The following PCDH15 variants were observed in gnomAD, a reference collection of about 807,000 sequenced individuals.
PCDH15 encodes the protein protocadherin-15.
Under a neutral mutation model 178.5 loss-of-function variants are expected in PCDH15, and 129 were observed. The ratio of observed to expected loss-of-function variants is 0.72; its 90% confidence interval spans 0.63 to 0.84. The LOEUF is 0.84. Among genes scored for constraint, PCDH15 ranks in the 40% least tolerant of loss-of-function variants. PCDH15 has a pLI of 0.00. For missense variants in PCDH15, 2,230 were observed against 2,099.9 expected, an observed-to-expected ratio of 1.06 and a Z score of -1.21; for synonymous variants, 800 against 732.0, an observed-to-expected ratio of 1.09 and a Z score of -1.50.
At chr10:54,764,393 T>C (rs1385200898) in intron 1 of PCDH15, among the ~76,000 whole-genome samples, 2 of 152,108 alleles carry the variant, frequency 1.3e-5, no homozygotes, top group Non-Finnish European at 2.9e-5. Context: ...ACCACTGTTA[T>C]GCAAAGGTGT....
At chr10:54,561,980 CTTTTTTTTTT>C (rs575547228) in intron 2 of PCDH15, among the ~76,000 whole-genome samples, 8 of 75,250 alleles carry the variant, frequency 1.1e-4, no homozygotes, top group Non-Finnish European at 1.4e-4. Context: ...CCGCACCCAG[CTTTTTTTTTT>C]TTTTTTTTTT....
At chr10:55,118,956 G>C (rs1591916866) in intron 2 of PCDH15, among the ~76,000 whole-genome samples, 1 of 152,250 alleles carries the variant, frequency 6.6e-6, no homozygotes, top group South Asian at 2.1e-4. Context: ...CCACCACATA[G>C]TGAATCCCTT....
intron 2 of PCDH15, among the ~76,000 whole-genome samples, chr10:55,578,092 T>A (rs1842530174): frequency 6.6e-6 from 1 of 152,090 alleles, no homozygotes; most frequent in Non-Finnish European, 1.5e-5. Flanking sequence ...CCCATGGCTT[T>A]AAAAAAATTA....
chr10:54,728,184 A>G (rs956420923), intron 1 of PCDH15, among the ~76,000 whole-genome samples: 3 of 151,540 alleles, frequency 2.0e-5, no homozygotes, highest in Non-Finnish European at 3.0e-5. Flanking sequence ...AATCCTCAAC[A>G]AAATACTAGC....
intron 3 of PCDH15, among the ~76,000 whole-genome samples, chr10:54,414,198 A>G (rs998177430): frequency 6.6e-6 from 1 of 152,174 alleles, no homozygotes; most frequent in Admixed American, 6.5e-5. Flanking sequence ...CATGTCCTAG[A>G]AGGCCAAAAA....
intron 25 of PCDH15, among the ~76,000 whole-genome samples, chr10:53,923,616 C>T (rs1367683845): frequency 1.3e-5 from 2 of 152,110 alleles, no homozygotes; most frequent in Non-Finnish European, 2.9e-5. Flanking sequence ...ACTTAATTCC[C>T]ATGTTTTCTT....
intron 21 of PCDH15, among the ~76,000 whole-genome samples, chr10:53,971,092 A>G (rs1434427958): frequency 1.3e-5 from 2 of 152,194 alleles, no homozygotes; most frequent in African/African-American, 4.8e-5. Flanking sequence ...ATCCACCACA[A>G]TCAAGTGGGC....
At chr10:54,807,943 T>A (rs1017859313) in intron 3 of PCDH15, among the ~76,000 whole-genome samples, 1 of 151,628 alleles carries the variant, frequency 6.6e-6, no homozygotes, top group East Asian at 1.9e-4. Context: ...TTTGCTGAAA[T>A]GGCCTCAGTT....
intron 23 of PCDH15, among the ~76,000 whole-genome samples, chr10:53,951,201 C>T (rs892105764): frequency 2.6e-5 from 4 of 152,120 alleles, no homozygotes; most frequent in Non-Finnish European, 5.9e-5. Context: ...CAAAGATATG[C>T]AATTGTAAAT....
chr10:55,278,388 A>C (rs570432977), intron 1 of PCDH15, among the ~76,000 whole-genome samples: 3 of 152,138 alleles, frequency 2.0e-5, no homozygotes, highest in East Asian at 3.9e-4. Flanking sequence ...ATATCTGTTT[A>C]TATTTTCTTT....
chr10:55,476,388 C>A (rs1311525340), intron 2 of PCDH15, among the ~76,000 whole-genome samples: 1 of 151,974 alleles, frequency 6.6e-6, no homozygotes, highest in Non-Finnish European at 1.5e-5. Context: ...TCTCTCATTC[C>A]ATCATCATGC....
intron 3 of PCDH15, among the ~76,000 whole-genome samples, chr10:54,503,942 C>T (rs950963923): frequency 6.6e-6 from 1 of 152,050 alleles, no homozygotes; most frequent in Non-Finnish European, 1.5e-5. Flanking sequence ...TGCACAGTGT[C>T]CGGAATTTTC....
intron 32 of PCDH15, chr10:53,823,476 C>T (rs755446129): frequency 1.1e-6 from 1 of 945,844 alleles, no homozygotes; most frequent in East Asian, 2.4e-5. Context: ...AAAGGCCAAA[C>T]AACACTAACC....
rs1245361892 is a variant in PCDH15, at chr10:53,940,883, A to G, written c.3215T>C (p.Val1072Ala). ...CTACTCACCTTCTTCATTTCCTGAA[A>G]CAATGGAGTACACAATACTTTGATT... ...AINQSIVYSI[V>A]SGNEEDTFGI... The change falls in exon 24 of 38, where the codon GTT (valine) becomes GCT (alanine). Residue 1072 changes from valine to alanine, a missense_variant. Transcript: ENST00000644397. 6 of 1,611,938 alleles carry G rather than the reference A, an allele frequency of 3.7e-6. No homozygotes were observed. The East Asian group carries it at 1.3e-4, about 36-fold the overall frequency.
chr10:55,205,206 C>T (rs1840363860), intron 1 of PCDH15, among the ~76,000 whole-genome samples: 1 of 151,876 alleles, frequency 6.6e-6, no homozygotes, highest in African/African-American at 2.4e-5. Flanking sequence ...TTCCAATTAA[C>T]TCAGTATGAA....
chr10:54,267,854 G>A (rs748030241), intron 8 of PCDH15, among the ~76,000 whole-genome samples: 32 of 151,696 alleles, frequency 2.1e-4, no homozygotes, highest in Non-Finnish European at 4.0e-4. Flanking sequence ...TTTACTGCCC[G>A]AAGCAATCTA....
intron 10 of PCDH15, among the ~76,000 whole-genome samples, chr10:54,203,706 C>T (rs995245460): frequency 6.6e-6 from 1 of 152,132 alleles, no homozygotes; most frequent in African/African-American, 2.4e-5. Context: ...TCTTGCTAAA[C>T]AGCTCTTCAG....
intron 3 of PCDH15, among the ~76,000 whole-genome samples, chr10:54,396,615 C>A (rs1048174990): frequency 5.3e-5 from 8 of 152,030 alleles, no homozygotes; most frequent in African/African-American, 1.7e-4. Flanking sequence ...TAATTATAAT[C>A]CTTAAAAATC....
chr10:53,971,278 T>G (rs959442982), intron 21 of PCDH15, among the ~76,000 whole-genome samples: 3 of 152,130 alleles, frequency 2.0e-5, no homozygotes, highest in East Asian at 3.9e-4. Context: ...GGTATTGATG[T>G]AACCTATCTT....
Sources: allele counts gnomAD v4.1 joint callset (sites outside exome capture counted in the v4.1 genomes callset), GRCh38; gene constraint gnomAD v4.1.1; transcripts MANE v1.5; gene names NCBI Gene and HGNC (gene_info 2026-07-23, HGNC 2026-07-21).